MINAR1: variants seen among roughly 807,000 people sequenced by gnomAD.
MINAR1 encodes major intrinsically disordered Notch2-binding receptor 1.
A neutral mutation model predicts 65.1 loss-of-function variants in MINAR1; 40 were observed. That is an observed-to-expected ratio of 0.61 (90% CI 0.48 to 0.80). The LOEUF is 0.80. Ranked by LOEUF, MINAR1 falls within the 30% of genes least tolerant of loss-of-function variation. The probability of loss-of-function intolerance (pLI) is 0.00; values close to 1 mark genes in which losing one functional copy is unlikely to be tolerated. For missense variants in MINAR1, 1,128 were observed against 1,148.0 expected, an observed-to-expected ratio of 0.98 and a Z score of 0.25; for synonymous variants, 482 against 449.1, an observed-to-expected ratio of 1.07 and a Z score of -0.93.
chr15:79,420,636 C>G, the MINAR1 span: 1 of 152,058 alleles, frequency 6.6e-6, no homozygotes, highest in Admixed American at 6.5e-5. Flanking sequence ...GTTTCCTAAC[C>G]CTAATTGATA....
the MINAR1 span, chr15:79,411,662 C>A: frequency 1.7e-6 from 1 of 593,814 alleles, no homozygotes; most frequent in Non-Finnish European, 3.0e-6. Context: ...TGGCAAGGAA[C>A]AACCTGCTCT....
intron 1 of MINAR1, among the ~76,000 whole-genome samples, chr15:79,453,970 C>T (rs918157685): frequency 2.0e-5 from 3 of 152,164 alleles, no homozygotes; most frequent in Non-Finnish European, 4.4e-5. Context: ...CTCACCCAAA[C>T]GATAAAATAT....
chr15:79,415,513 C>T, the MINAR1 span: 3 of 152,108 alleles, frequency 2.0e-5, no homozygotes, highest in Non-Finnish European at 4.4e-5. Context: ...ATTTTTCTGC[C>T]AAGGGTGGCT....
At chr15:79,446,418 G>C (rs1895018200) in intron 1 of MINAR1, among the ~76,000 whole-genome samples, 1 of 151,932 alleles carries the variant, frequency 6.6e-6, no homozygotes, top group South Asian at 2.1e-4. Context: ...AGGAATATGA[G>C]TTATAAACTC....
chr15:79,421,827 A>T, the MINAR1 span: 1 of 152,260 alleles, frequency 6.6e-6, no homozygotes, highest in Non-Finnish European at 1.5e-5. Flanking sequence ...AAGGCAACAT[A>T]TCCTCAGGCC....
the MINAR1 span, chr15:79,424,331 T>C: frequency 6.6e-6 from 1 of 152,238 alleles, no homozygotes; most frequent in African/African-American, 2.4e-5. Context: ...TTTCCTTTCG[T>C]TGAACTTTCC....
rs1895507103 is a variant in MINAR1 at position 79,458,150 on chromosome 15, G to T, written c.2003G>T (p.Ser668Ile). ...SASPRMFHAH[S>I]GSHGPKLENN... is the part of the protein sequence containing the mutation. Reference sequence around the variant, plus strand: ...TCTCCCCGGATGTTCCACGCACACAGTGGCTCCCACGGACCCAAACTAGAG... The same window carrying T: ...TCTCCCCGGATGTTCCACGCACACATTGGCTCCCACGGACCCAAACTAGAG... The change falls in exon 2 of 4, where the codon AGT becomes ATT. Residue 668 changes from serine to isoleucine, a missense_variant. Physicochemically the swap from Ser to Ile is moderately radical, Grantham distance 142. Transcript: ENST00000305428. 6.2e-7 allele frequency: 1 copy of T among 1,614,046 alleles called. No homozygotes were observed. Among genetic ancestry groups the T allele is most frequent in the Non-Finnish European group, 8.5e-7 (1 of 1,180,002 alleles).
intron 1 of MINAR1, among the ~76,000 whole-genome samples, chr15:79,432,745 G>C (rs982793789): frequency 2.0e-5 from 3 of 152,218 alleles, no homozygotes; most frequent in African/African-American, 7.2e-5. Flanking sequence ...TGCGCTCAGG[G>C]CAGCGGCGGA....
chr15:79,454,549 G>A (rs1895347127), intron 1 of MINAR1, among the ~76,000 whole-genome samples: 1 of 152,164 alleles, frequency 6.6e-6, no homozygotes, highest in Admixed American at 6.5e-5. Context: ...CCGCATCTAT[G>A]TTTATCAACA....
rs1182309145 is a variant in MINAR1 at position 79,471,503 on chromosome 15, T to C, written c.*3119T>C. On this transcript the variant is annotated 3_prime_UTR_variant, in exon 4 of 4. Coordinates refer to ENST00000305428, the MANE Select transcript of MINAR1 (RefSeq NM_015206.3). ...ACAGTAAACTAAATCATAACTTACA[T>C]CATCCATTACTAGCTGATCATAAAT... The C allele has an allele frequency of 6.6e-6, 1 of 152,600 alleles. No individual in the cohort carries two copies. The highest frequency in any genetic ancestry group is 2.4e-5 in the African/African-American group (1 of 41,434). The allele number at this position is 152,600 out of a possible 1,614,324, so 9.5% of individuals were successfully genotyped here.
At chr15:79,432,042 G>A (rs886155126), upstream of MINAR1, among the ~76,000 whole-genome samples, 2 of 152,054 alleles carry the variant, frequency 1.3e-5, no homozygotes, top group African/African-American at 4.8e-5. Context: ...GGGCGGCGGT[G>A]GAGAAGCCCA....
intron 2 of MINAR1, among the ~76,000 whole-genome samples, chr15:79,458,716 G>A (rs926052452): frequency 6.6e-6 from 1 of 152,230 alleles, no homozygotes; most frequent in African/African-American, 2.4e-5. Context: ...GACAGGTGGT[G>A]TGAGAACAGA....
the MINAR1 span, chr15:79,418,141 G>A: frequency 6.6e-6 from 1 of 152,208 alleles, no homozygotes; most frequent in African/African-American, 2.4e-5. Flanking sequence ...GCTGTCAGTT[G>A]TTTATGGGAA....
rs756142176 is a variant in MINAR1, at chr15:79,463,318, G to A, written c.2550G>A (p.Leu850=). ...GDKGKLTALD[L]QTQESLNPNN... ...AGGGCAAGCTGACAGCCCTGGACCT[G>A]CAGGTGAGCCTCTCACTGTCCCTGG... The change falls in exon 3 of 4, where the codon CTG becomes CTA. Residue 850 remains leucine (L), a synonymous_variant. Coordinates refer to ENST00000305428, the MANE Select transcript of MINAR1 (RefSeq NM_015206.3). 2 of 1,611,602 alleles carry A rather than the reference G, an allele frequency of 1.2e-6. No individual in the cohort carries two copies. Among genetic ancestry groups the A allele is most frequent in the South Asian group, 1.1e-5 (1 of 91,020 alleles).
Position 79,470,376 on chromosome 15 carries a change from A to ATGAAG in MINAR1, c.*1995_*1999dup, listed in dbSNP as rs1555430620. 6.6e-6 allele frequency: 1 copy of ATGAAG among 152,166 alleles called. No individual in the cohort carries two copies. The highest frequency in any genetic ancestry group is 1.5e-5 in the Non-Finnish European group (1 of 68,022). 9.4% of individuals were successfully genotyped at this position (152,166 alleles called of 1,614,324 possible). A position where few individuals can be genotyped will look rare whatever the true frequency, so the allele number is the denominator to read the frequency against. On this transcript the variant is annotated 3_prime_UTR_variant, in exon 4 of 4. Transcript: ENST00000305428. ...CCCACTATTCTCCTCTTTATCACAG[A>ATGAAG]TGAAGTGCCAGAGCATCAGAGATAG...
the MINAR1 span, chr15:79,417,223 A>T: frequency 2.0e-5 from 3 of 152,280 alleles, no homozygotes; most frequent in African/African-American, 7.2e-5. Flanking sequence ...GTTCAATTAC[A>T]CCTCCTTAAC....
rs1174064193 is a variant in MINAR1 at position 79,459,990 on chromosome 15, GTTAGGTGCTTCTGTAGAAATA to G, written c.2298+1552_2298+1572del. Among the ~76,000 whole-genome samples, 46 of 152,286 alleles carry G rather than the reference GTTAGGTGCTTCTGTAGAAATA, an allele frequency of 3.0e-4. 1 individual carries two copies. Among genetic ancestry groups the G allele is most frequent in the African/African-American group, 1.0e-3 (43 of 41,550 alleles). On this transcript the variant is annotated intron_variant, in intron 2 of 3. Transcript: ENST00000305428. ...AGTGGCCATTTAGAGAACTCAAATG[GTTAGGTGCTTCTGTAGAAATA>G]TTAGGTTAAACTGAACCAGCCATGC...
At position 79,432,342 on chromosome 15, in the gene MINAR1, G is replaced by C. The variant is rs1245021287; in HGVS notation, c.-249G>C. 6.6e-6 allele frequency among the ~76,000 whole-genome samples: 1 copy of C among 151,970 alleles called. No homozygotes were observed. The highest frequency in any genetic ancestry group is 2.4e-5 in the African/African-American group (1 of 41,368). On this transcript the variant is annotated 5_prime_UTR_variant, in exon 1 of 4. Transcript: ENST00000305428. ...GCGCCGCGCGTGTGAGCGCAGACCT[G>C]GACTCGGGCGGCGGAGGCGAAAGTC...
At chr15:79,435,361 A>C (rs140686314) in intron 1 of MINAR1, among the ~76,000 whole-genome samples, 1,822 of 152,262 alleles carry the variant, frequency 0.012, 40 homozygotes, top group African/African-American at 0.042. Flanking sequence ...GTGTCTGAAG[A>C]ACCCTTTGGA....
Sources: allele counts gnomAD v4.1 joint callset (sites outside exome capture counted in the v4.1 genomes callset), GRCh38; gene constraint gnomAD v4.1.1; transcripts MANE v1.5; gene names NCBI Gene and HGNC (gene_info 2026-07-23, HGNC 2026-07-21).